PRKCB: variants seen among roughly 807,000 people sequenced by gnomAD.
The protein encoded by PRKCB is protein kinase C beta type.
A neutral mutation model predicts 81.5 loss-of-function variants in PRKCB; 13 were observed. That is an observed-to-expected ratio of 0.16 (90% CI 0.10 to 0.25). The LOEUF (loss-of-function observed/expected upper bound fraction) is 0.25. PRKCB is among the 10% of genes least tolerant of loss of function. The pLI is 1.00. For synonymous variants in PRKCB, 335 were observed against 321.4 expected (o/e 1.04, Z -0.45); for missense variants, 509 against 875.7 (o/e 0.58, Z 5.29).
At chr16:23,991,798 C>T (rs1330352071) in intron 3 of PRKCB, among the ~76,000 whole-genome samples, 1 of 152,184 alleles carries the variant, frequency 6.6e-6, no homozygotes, top group Non-Finnish European at 1.5e-5. Context: ...TATATCTTAT[C>T]AGTGCTGCAG....
At chr16:24,014,406 G>A (rs1167063180) in intron 3 of PRKCB, among the ~76,000 whole-genome samples, 2 of 152,164 alleles carry the variant, frequency 1.3e-5, no homozygotes, top group Admixed American at 6.5e-5. Flanking sequence ...GCACAACCCG[G>A]CCTGCACAGG....
intron 7 of PRKCB, among the ~76,000 whole-genome samples, chr16:24,096,814 T>G (rs1054090903): frequency 6.6e-6 from 1 of 150,868 alleles, no homozygotes; most frequent in Non-Finnish European, 1.5e-5. Flanking sequence ...ACTATAACTT[T>G]GGGAGAAGTG....
At position 24,215,373 on chromosome 16, in the gene PRKCB, T is replaced by C. The variant is rs1397329424; in HGVS notation, c.*557T>C. 2 of 986,016 alleles carry C rather than the reference T, an allele frequency of 2.0e-6. No homozygotes were observed. Among genetic ancestry groups the C allele is most frequent in the Non-Finnish European group, 2.4e-6 (2 of 830,188 alleles). The allele number at this position is 986,016 out of a possible 1,614,324, so 61.1% of individuals were successfully genotyped here. A position where few individuals can be genotyped will look rare whatever the true frequency, so the allele number is the denominator to read the frequency against. On this transcript the variant is annotated 3_prime_UTR_variant, in exon 17 of 17. Coordinates refer to ENST00000643927, the MANE Select transcript of PRKCB (RefSeq NM_002738.7). ...AGTTAAGATGATCAAAGTTCTAAAA[T>C]TCCAAGAATGTGCTTTTAGACGGTC...
At chr16:24,089,126 A>G (rs182847478) in intron 5 of PRKCB, among the ~76,000 whole-genome samples, 2 of 152,306 alleles carry the variant, frequency 1.3e-5, no homozygotes, top group African/African-American at 4.8e-5. Context: ...TGGATATTAT[A>G]TTCTATGGGG....
intron 5 of PRKCB, among the ~76,000 whole-genome samples, chr16:24,040,384 T>C (rs1303074613): frequency 1.3e-5 from 2 of 152,202 alleles, no homozygotes; most frequent in African/African-American, 4.8e-5. Context: ...CATCTTCTCT[T>C]TTTCTAGCAA....
Position 24,219,859 on chromosome 16 carries a change from ACT to A in PRKCB, c.*5046_*5047del, listed in dbSNP as rs1247052986. The A allele has an allele frequency of 1.4e-6, 2 of 1,461,624 alleles. No individual in the cohort carries two copies. Among genetic ancestry groups the A allele is most frequent in the Non-Finnish European group, 1.8e-6 (2 of 1,103,788 alleles). The allele number at this position is 1,461,624 out of a possible 1,614,324, so 90.5% of individuals were successfully genotyped here. A position where few individuals can be genotyped will look rare whatever the true frequency, so the allele number is the denominator to read the frequency against. On this transcript the variant is annotated 3_prime_UTR_variant, in exon 17 of 17. Coordinates refer to ENST00000643927, the MANE Select transcript of PRKCB (RefSeq NM_002738.7). ...AATTTTCAGCACAGGGCTCTTTCTG[ACT>A]CTGCTCATGAGATGGTATCAGCCAC...
At chr16:23,896,240 A>G (rs1226647685) in intron 2 of PRKCB, among the ~76,000 whole-genome samples, 1 of 152,180 alleles carries the variant, frequency 6.6e-6, no homozygotes, top group Non-Finnish European at 1.5e-5. Context: ...ATTTCATGCA[A>G]TTCAAGACTT....
chr16:24,167,172 G>A (rs1033872077), intron 10 of PRKCB, among the ~76,000 whole-genome samples: 20 of 151,562 alleles, frequency 1.3e-4, no homozygotes, highest in Non-Finnish European at 2.4e-4. Context: ...AAGAACCAGG[G>A]GCTGGGTGTC....
At chr16:24,081,743 A>C (rs539107949) in intron 5 of PRKCB, among the ~76,000 whole-genome samples, 25 of 152,204 alleles carry the variant, frequency 1.6e-4, no homozygotes, top group African/African-American at 5.5e-4. Flanking sequence ...GCGTGGTGGC[A>C]GATGCCTGTA....
At chr16:24,106,907 T>G (rs1448947315) in intron 7 of PRKCB, among the ~76,000 whole-genome samples, 2 of 152,204 alleles carry the variant, frequency 1.3e-5, no homozygotes, top group African/African-American at 4.8e-5. Flanking sequence ...TCCTGACATA[T>G]GTATGTTGCA....
chr16:24,088,477 A>T (rs1421816749), intron 5 of PRKCB, among the ~76,000 whole-genome samples: 1 of 152,138 alleles, frequency 6.6e-6, no homozygotes, highest in Non-Finnish European at 1.5e-5. Flanking sequence ...CTGTAATCCC[A>T]GCACTTTGGG....
chr16:24,116,405 A>G (rs1187580162), intron 8 of PRKCB, among the ~76,000 whole-genome samples: 1 of 151,984 alleles, frequency 6.6e-6, no homozygotes, highest in Non-Finnish European at 1.5e-5. Flanking sequence ...TAAAAAATAT[A>G]TATTTAAAAA....
intron 8 of PRKCB, among the ~76,000 whole-genome samples, chr16:24,116,259 A>G (rs1400002193): frequency 6.6e-6 from 1 of 152,118 alleles, no homozygotes; most frequent in Non-Finnish European, 1.5e-5. Context: ...TCAACTTGAT[A>G]GAAATAGCGC....
At chr16:24,062,488 ATTG>A (rs1202535891) in intron 5 of PRKCB, among the ~76,000 whole-genome samples, 2 of 152,342 alleles carry the variant, frequency 1.3e-5, no homozygotes, top group East Asian at 3.9e-4. Flanking sequence ...GGAGAAACGA[ATTG>A]TTGTTCTTTC....
At chr16:23,933,391 G>A (rs8051700) in intron 2 of PRKCB, among the ~76,000 whole-genome samples, 78,508 of 151,904 alleles carry the variant, frequency 0.52, 21,134 homozygotes, top group East Asian at 0.62. Flanking sequence ...TTATTGATGA[G>A]CCCCTTTTGG....
At chr16:24,066,580 T>C (rs886527673) in intron 5 of PRKCB, among the ~76,000 whole-genome samples, 2 of 152,190 alleles carry the variant, frequency 1.3e-5, no homozygotes, top group Non-Finnish European at 2.9e-5. Flanking sequence ...TTAACACTAA[T>C]TAGTACTGTA....
intron 2 of PRKCB, among the ~76,000 whole-genome samples, chr16:23,927,741 G>A (rs1963916010): frequency 1.3e-5 from 2 of 152,008 alleles, no homozygotes; most frequent in African/African-American, 4.8e-5. Flanking sequence ...AGAAAGTCAG[G>A]GATGGCTCCC....
At position 24,185,194 on chromosome 16, in the gene PRKCB, A is replaced by C; in HGVS notation, c.1614+3A>C. 1 of 1,612,814 alleles carries C rather than the reference A, an allele frequency of 6.2e-7. No individual in the cohort carries two copies. The highest frequency in any genetic ancestry group is 8.5e-7 in the Non-Finnish European group (1 of 1,179,216). On this transcript the variant is annotated splice_donor_region_variant and intron_variant, in intron 14 of 16. Coordinates refer to ENST00000643927, the MANE Select transcript of PRKCB (RefSeq NM_002738.7). ...TGTATGAAATGTTGGCTGGGCAGGT[A>C]ATTGAATTTTAAGTGATCGATAAGA... is the stretch of plus-strand genomic sequence containing the variant.
At chr16:23,902,748 T>C (rs190191489) in intron 2 of PRKCB, among the ~76,000 whole-genome samples, 646 of 11,996 alleles carry the variant, frequency 0.054, 43 homozygotes, top group African/African-American at 0.18. Flanking sequence ...CTTCCTTCCT[T>C]CCTTCCTTCC....
Sources: gnomAD v4.1 joint callset for allele counts (sites outside exome capture counted in the v4.1 genomes callset) on GRCh38, gnomAD v4.1.1 for gene constraint, MANE v1.5 for transcripts, NCBI Gene and HGNC (gene_info 2026-07-23, HGNC 2026-07-21) for gene names.